LMO7: variants seen among roughly 807,000 people sequenced by gnomAD.
LMO7 encodes LIM domain 7.
A neutral mutation model predicts 206.5 loss-of-function variants in LMO7; 120 were observed. The observed-to-expected ratio is 0.58, with a 90% CI of 0.50 to 0.68. LMO7 has a LOEUF of 0.68. Among genes scored for constraint, LMO7 ranks in the 30% least tolerant of loss-of-function variants. The pLI is 0.00. For synonymous variants in LMO7, 706 were observed against 681.5 expected, an observed-to-expected ratio of 1.04 and a Z score of -0.56; for missense variants, 1,959 against 1,957.9, an observed-to-expected ratio of 1.00 and a Z score of -0.01.
intron 3 of LMO7, among the ~76,000 whole-genome samples, chr13:75,734,423 G>A (rs2045595181): frequency 1.3e-5 from 2 of 152,164 alleles, no homozygotes; most frequent in Non-Finnish European, 2.9e-5. Flanking sequence ...CTAATAATTA[G>A]AATGTAAACA....
chr13:75,804,551 T>C lies in LMO7; in HGVS notation c.914+10T>C. ...ATGGAACATTTTCAAGGTACTGAGATGGGTGTGATTATTGAGTTTCGTATG... is the reference window on the plus strand; with the variant it reads ...ATGGAACATTTTCAAGGTACTGAGACGGGTGTGATTATTGAGTTTCGTATG... On this transcript the variant is annotated intron_variant, in intron 8 of 30. Transcript: ENST00000377534. 6.2e-7 allele frequency: 1 copy of C among 1,607,058 alleles called. No individual in the cohort carries two copies. The highest frequency in any genetic ancestry group is 8.5e-7 in the Non-Finnish European group (1 of 1,176,850).
chr13:75,693,108 C>A (rs960503010), intron 1 of LMO7, among the ~76,000 whole-genome samples: 13 of 152,100 alleles, frequency 8.5e-5, no homozygotes, highest in Admixed American at 8.5e-4. Flanking sequence ...AATTTTGGGT[C>A]AAGTGTATGG....
At position 75,805,645 on chromosome 13, in the gene LMO7, C is replaced by T; in HGVS notation, c.1081C>T (p.Pro361Ser). ...CAAGCTCAGTCCAGTCATGCCAAAC[C>T]CAGGGAATGCTTTTGATCAGTTTCT... is the stretch of plus-strand genomic sequence containing the variant. ...VRKLSPVMPN[P>S]GNAFDQFLPK... is the part of the protein sequence containing the mutation. Residue 361 changes from proline (P) to serine (S), a missense_variant, in exon 9 of 31, where the codon CCA becomes TCA. Pro to Ser is a moderately conservative substitution (Grantham distance 74). Coordinates refer to ENST00000377534, the MANE Select transcript of LMO7 (RefSeq NM_001306080.2). The T allele has an allele frequency of 1.2e-6, 2 of 1,614,010 alleles. No homozygotes were observed. The highest frequency in any genetic ancestry group is 1.7e-6 in the Non-Finnish European group (2 of 1,179,888).
chr13:75,684,302 C>G (rs1181817782), intron 1 of LMO7, among the ~76,000 whole-genome samples: 1 of 152,172 alleles, frequency 6.6e-6, no homozygotes, highest in East Asian at 1.9e-4. Context: ...GGTGCAATCT[C>G]TGCAATCTCT....
chr13:75,679,505 A>T (rs1298931165), intron 1 of LMO7, among the ~76,000 whole-genome samples: 2 of 152,216 alleles, frequency 1.3e-5, no homozygotes, highest in South Asian at 2.1e-4. Flanking sequence ...CATCAGAATC[A>T]TCTAAAATGC....
intron 2 of LMO7, among the ~76,000 whole-genome samples, chr13:75,725,591 C>T (rs947626812): frequency 6.6e-6 from 1 of 151,996 alleles, no homozygotes; most frequent in African/African-American, 2.4e-5. Context: ...TAAACTTACT[C>T]AATTCTTTTC....
intron 4 of LMO7, among the ~76,000 whole-genome samples, chr13:75,763,922 T>C (rs1479978352): frequency 6.6e-6 from 1 of 152,208 alleles, no homozygotes; most frequent in African/African-American, 2.4e-5. Context: ...TTTCTAGCTA[T>C]CTGAAGTTTA....
chr13:75,786,131 T>TG (rs1441970614), intron 4 of LMO7, among the ~76,000 whole-genome samples: 1 of 152,184 alleles, frequency 6.6e-6, no homozygotes, highest in African/African-American at 2.4e-5. Flanking sequence ...GATAGTACTG[T>TG]TGGCTCTGCC....
At chr13:75,800,314 C>T (rs2054568710) in intron 6 of LMO7, among the ~76,000 whole-genome samples, 1 of 152,172 alleles carries the variant, frequency 6.6e-6, no homozygotes, top group Non-Finnish European at 1.5e-5. Flanking sequence ...ACTCTTTTCA[C>T]ATTTATTGCT....
At chr13:75,781,401 G>A (rs1372611754) in intron 4 of LMO7, among the ~76,000 whole-genome samples, 3 of 148,440 alleles carry the variant, frequency 2.0e-5, no homozygotes, top group Non-Finnish European at 3.0e-5. Flanking sequence ...TCTTGCGATA[G>A]TTTACTGAGA....
intron 14 of LMO7, among the ~76,000 whole-genome samples, chr13:75,823,112 A>T (rs938304771): frequency 7.2e-5 from 11 of 152,136 alleles, no homozygotes; most frequent in African/African-American, 2.2e-4. Context: ...AGTTAAGGGG[A>T]ATCTCATCAC....
chr13:75,626,017 A>G (rs2034013331), intron 2 of LMO7, among the ~76,000 whole-genome samples: 1 of 152,194 alleles, frequency 6.6e-6, no homozygotes, highest in Non-Finnish European at 1.5e-5. Flanking sequence ...CACATTGTGT[A>G]GAGGTGAGGG....
chr13:75,679,036 T>C (rs1364586935), intron 1 of LMO7, among the ~76,000 whole-genome samples: 3 of 152,240 alleles, frequency 2.0e-5, no homozygotes, highest in Non-Finnish European at 4.4e-5. Context: ...CAGCTACTTC[T>C]GTCTTTATCA....
chr13:75,743,570 G>C (rs192526190), intron 3 of LMO7, among the ~76,000 whole-genome samples: 1 of 152,244 alleles, frequency 6.6e-6, no homozygotes, highest in Non-Finnish European at 1.5e-5. Context: ...GGAGCTGGAG[G>C]CCATTATCCT....
intron 1 of LMO7, among the ~76,000 whole-genome samples, chr13:75,681,144 G>A (rs1207552525): frequency 6.6e-6 from 1 of 152,018 alleles, no homozygotes. Context: ...TTCTTTTGCT[G>A]TGCAGAAGCG....
rs867932991 is a variant in LMO7 at position 75,728,558 on chromosome 13, T to C, written c.210+1460T>C. On this transcript the variant is annotated intron_variant, in intron 3 of 30. Transcript: ENST00000377534. ...TCAGATGAGTAGGTTGTGAAAATTT[T>C]CTCCCATTTTGTAGGTTGCCTGTTC... 5.6e-5 allele frequency among the ~76,000 whole-genome samples: 8 copies of C among 143,556 alleles called. No homozygotes were observed. In the South Asian group the frequency reaches 1.8e-3, roughly 33 times the overall value. 94.2% of individuals were successfully genotyped at this position (143,556 alleles called of 152,430 possible). A position where few individuals can be genotyped will look rare whatever the true frequency, so the allele number is the denominator to read the frequency against.
rs2059566414 is a variant in LMO7 at position 75,841,682 on chromosome 13, C to T, written c.3730C>T (p.Leu1244Phe). Residue 1244 changes from leucine to phenylalanine, a missense_variant, in exon 24 of 31, where the codon CTT (leucine) becomes TTT (phenylalanine). Coordinates refer to ENST00000377534, the MANE Select transcript of LMO7 (RefSeq NM_001306080.2). ...SMSLTTREPS[L>F]ATWEATWSEG... ...GTCTCTGACCACACGGGAGCCCTCT[C>T]TTGCCACCTGGGAAGCTACCTGGAG... 1 of 1,614,138 alleles carries T rather than the reference C, an allele frequency of 6.2e-7. No individual in the cohort carries two copies. The highest frequency in any genetic ancestry group is 8.5e-7 in the Non-Finnish European group (1 of 1,180,030).
chr13:75,797,537 T>C (rs934567469), intron 6 of LMO7, among the ~76,000 whole-genome samples: 1 of 152,188 alleles, frequency 6.6e-6, no homozygotes, highest in Non-Finnish European at 1.5e-5. Context: ...ATCTAATTAG[T>C]AGTCATTGTT....
chr13:75,709,603 G>C (rs2042924469), intron 1 of LMO7, among the ~76,000 whole-genome samples: 1 of 152,206 alleles, frequency 6.6e-6, no homozygotes, highest in Non-Finnish European at 1.5e-5. Context: ...CTTCTTTTGA[G>C]AAGTGTCTGT....
Sources: gnomAD v4.1 joint callset for allele counts (sites outside exome capture counted in the v4.1 genomes callset) on GRCh38, gnomAD v4.1.1 for gene constraint, MANE v1.5 for transcripts, NCBI Gene and HGNC (gene_info 2026-07-23, HGNC 2026-07-21) for gene names.